WIPF2: variants seen among roughly 807,000 people sequenced by gnomAD.
The protein encoded by WIPF2 is WAS/WASL-interacting protein family member 2.
In WIPF2, 23 loss-of-function variants were observed where a neutral mutation model predicts 38.8. That is an observed-to-expected ratio of 0.59 (90% CI 0.43 to 0.84). The LOEUF (loss-of-function observed/expected upper bound fraction) is 0.84. Ranked by LOEUF, WIPF2 falls within the 40% of genes least tolerant of loss-of-function variation. The probability of loss-of-function intolerance (pLI) is 0.00; values close to 1 mark genes in which losing one functional copy is unlikely to be tolerated. For missense variants in WIPF2, 574 were observed against 580.5 expected (o/e 0.99, Z 0.11); for synonymous variants, 210 against 223.2 (o/e 0.94, Z 0.53).
intron 7 of WIPF2, 83 bp from the exon 8 acceptor site, chr17:40,278,102 T>G: frequency 1.4e-6 from 2 of 1,462,596 alleles, no homozygotes; most frequent in Non-Finnish European, 1.9e-6. Context: ...AAAGAGCCTG[T>G]CTCTCATTTT....
rs1240697372 is a variant in WIPF2 at position 40,278,228 on chromosome 17, C to T, written c.*3C>T. The T allele has an allele frequency of 1.2e-6, 2 of 1,613,590 alleles. No individual in the cohort carries two copies. Among genetic ancestry groups the T allele is most frequent in the Non-Finnish European group, 1.7e-6 (2 of 1,179,870 alleles). The stretch of plus-strand genomic sequence containing the variant: ...CTCTGCCACCCATTCTCAGGTGAAG[C>T]CTGGCTTGGTCCCGTTCCTCAGGAA... On this transcript the variant is annotated 3_prime_UTR_variant, in exon 8 of 8. Transcript: ENST00000323571.
chr17:40,256,837 G>A (rs186533498), intron 2 of WIPF2, among the ~76,000 whole-genome samples: 1 of 152,284 alleles, frequency 6.6e-6, no homozygotes, highest in Admixed American at 6.5e-5. Flanking sequence ...ATAATGGCAT[G>A]TCTGGTTTCC....
intron 1 of WIPF2, among the ~76,000 whole-genome samples, chr17:40,254,675 C>G (rs1017030751): frequency 1.3e-5 from 2 of 151,894 alleles, no homozygotes; most frequent in African/African-American, 4.8e-5. Context: ...AAACTGTGGC[C>G]CATAAGTCAG....
chr17:40,233,642 A>C (rs894462078), intron 1 of WIPF2, among the ~76,000 whole-genome samples: 28 of 152,064 alleles, frequency 1.8e-4, no homozygotes, highest in African/African-American at 6.8e-4. Context: ...TTCCATTCTT[A>C]CATATTATCT....
chr17:40,240,375 A>G (rs1311756662), intron 1 of WIPF2, among the ~76,000 whole-genome samples: 1 of 151,818 alleles, frequency 6.6e-6, no homozygotes. Flanking sequence ...CAGACTTTCA[A>G]CCAGTCCTCC....
In WIPF2 at chr17:40,277,145, A is replaced by G. The variant is rs1444690472; in HGVS notation, c.1243A>G (p.Lys415Glu). 2 of 1,613,600 alleles carry G rather than the reference A, an allele frequency of 1.2e-6. No individual in the cohort carries two copies. Among genetic ancestry groups the G allele is most frequent in the East Asian group, 4.5e-5 (2 of 44,858 alleles). ...VEDFPAPEEY[K>E]HFQRIYPSKT... ...AGACTTTCCTGCTCCAGAAGAATAT[A>G]AACACTTTCAGAGGATATATCCCAG... Residue 415 changes from lysine to glutamate, a missense_variant, in exon 7 of 8, where the codon AAA (lysine) becomes GAA (glutamate). Transcript: ENST00000323571.
intron 1 of WIPF2, among the ~76,000 whole-genome samples, chr17:40,235,646 T>C (rs192145896): frequency 0.015 from 2,262 of 147,310 alleles, 29 homozygotes; most frequent in Non-Finnish European, 0.023. Context: ...CGATCTCAGC[T>C]CACCACAACC....
At chr17:40,251,398 G>A (rs565392923) in intron 1 of WIPF2, among the ~76,000 whole-genome samples, 50 of 151,088 alleles carry the variant, frequency 3.3e-4, no homozygotes, top group Non-Finnish European at 6.6e-4. Context: ...TTGGATTAGC[G>A]ATTATAAGTC....
intron 3 of WIPF2, 149 bp from the exon 4 acceptor site, chr17:40,262,376 C>G: frequency 3.4e-6 from 2 of 593,946 alleles, no homozygotes; most frequent in Non-Finnish European, 6.0e-6. Context: ...AGCCACTGTA[C>G]CAGGCCTGCT....
At chr17:40,263,097 G>GGT (rs2031963758) in intron 4 of WIPF2, among the ~76,000 whole-genome samples, 1 of 152,036 alleles carries the variant, frequency 6.6e-6, no homozygotes, top group Admixed American at 6.6e-5. Flanking sequence ...TTGGTCAAAG[G>GGT]GTACAAAGTT....
rs1345813500 is a variant in WIPF2, at chr17:40,281,834, C to T, written c.*3609C>T. On this transcript the variant is annotated 3_prime_UTR_variant, in exon 8 of 8. Transcript: ENST00000323571. The stretch of plus-strand genomic sequence containing the variant: ...TGAAGCTCTGGGGGTGGAGTGTGGG[C>T]ATCTGAGGCCCTATGATGGCACTAC... 2.6e-5 allele frequency: 4 copies of T among 152,504 alleles called. No individual in the cohort carries two copies. The highest frequency in any genetic ancestry group is 6.6e-5 in the Admixed American group (1 of 15,248). 9.4% of individuals were successfully genotyped at this position (152,504 alleles called of 1,614,324 possible).
At chr17:40,256,229 A>G (rs1024204282) in intron 1 of WIPF2, among the ~76,000 whole-genome samples, 162 bp from the exon 2 acceptor site, 5 of 152,162 alleles carry the variant, frequency 3.3e-5, no homozygotes, top group Admixed American at 2.0e-4. Context: ...AAATTAAAAC[A>G]ATTGATTTAA....
chr17:40,249,400 A>C (rs148135332), intron 1 of WIPF2, among the ~76,000 whole-genome samples: 2 of 152,194 alleles, frequency 1.3e-5, no homozygotes, highest in Admixed American at 1.3e-4. Flanking sequence ...AACATTAGGA[A>C]ATTGAATAGA....
rs138438056 is a variant in WIPF2 at position 40,273,987 on chromosome 17, C to A, written c.1168C>A (p.Arg390=). ...NGHRDSITTV[R]SFLDDFESKY... ...CCACAGAGATTCTATCACCACTGTC[C>A]GGTCTTTCTTGGGTGAGTAGCTAGC... The change falls in exon 6 of 8, where the codon CGG becomes AGG. Residue 390 remains arginine (R), a synonymous_variant. Transcript: ENST00000323571. 25 of 1,551,942 alleles carry A rather than the reference C, an allele frequency of 1.6e-5. No individual in the cohort carries two copies. The Admixed American group carries it at 4.5e-4, about 28-fold the overall frequency.
chr17:40,256,616 T>TA, intron 2 of WIPF2, 94 bp downstream of exon 2: 1 of 1,456,914 alleles, frequency 6.9e-7, no homozygotes, highest in Non-Finnish European at 9.1e-7. Flanking sequence ...TCCTTTTGGT[T>TA]AAAATTTCTA....
intron 1 of WIPF2, among the ~76,000 whole-genome samples, chr17:40,235,473 A>G (rs1433042702): frequency 6.6e-6 from 1 of 151,894 alleles, no homozygotes; most frequent in African/African-American, 2.4e-5. Flanking sequence ...ATTCATCCCT[A>G]AACTCTGACA....
At chr17:40,277,434 C>G (rs1326565884) in intron 7 of WIPF2, among the ~76,000 whole-genome samples, 2 of 152,112 alleles carry the variant, frequency 1.3e-5, no homozygotes, top group Admixed American at 1.3e-4. Context: ...ATAATCCCAG[C>G]ATTTTGGGAG....
At chr17:40,270,061 A>G (rs1422215326) in intron 5 of WIPF2, among the ~76,000 whole-genome samples, 1 of 151,888 alleles carries the variant, frequency 6.6e-6, no homozygotes, top group Non-Finnish European at 1.5e-5. Context: ...TGTCACTTGA[A>G]ACAGTCTTAA....
At chr17:40,258,407 C>G (rs1318957077) in intron 2 of WIPF2, among the ~76,000 whole-genome samples, 2 of 152,132 alleles carry the variant, frequency 1.3e-5, no homozygotes, top group Non-Finnish European at 1.5e-5. Context: ...TCCTGGCCAA[C>G]ATGGTGAAAC....
Sources: gnomAD v4.1 joint callset for allele counts (sites outside exome capture counted in the v4.1 genomes callset) on GRCh38, gnomAD v4.1.1 for gene constraint, MANE v1.5 for transcripts, NCBI Gene and HGNC (gene_info 2026-07-23, HGNC 2026-07-21) for gene names.